The following SPECC1L variants were observed in gnomAD, a reference collection of about 807,000 sequenced individuals.
The protein encoded by SPECC1L is cytospin-A.
SPECC1L carries 40 observed loss-of-function variants against 116.8 expected under a neutral mutation model. The ratio of observed to expected loss-of-function variants is 0.34; its 90% CI spans 0.27 to 0.45. The LOEUF is 0.45. SPECC1L is among the 20% of genes least tolerant of loss of function. SPECC1L has a pLI of 1.00. For missense variants in SPECC1L, 1,110 were observed against 1,373.6 expected (o/e 0.81, Z 3.03); for synonymous variants, 504 against 500.6 (o/e 1.01, Z -0.09).
chr22:24,332,892 A>C (rs1052838507), intron 8 of SPECC1L, among the ~76,000 whole-genome samples: 1 of 152,138 alleles, frequency 6.6e-6, no homozygotes, highest in Non-Finnish European at 1.5e-5. Flanking sequence ...AAGGGGCTCT[A>C]AGACCAAAAA....
chr22:24,395,647 T>C (rs994026855), intron 14 of SPECC1L, among the ~76,000 whole-genome samples: 3 of 152,162 alleles, frequency 2.0e-5, no homozygotes, highest in South Asian at 2.1e-4. Flanking sequence ...AATTTTTTTT[T>C]CTCTTTTTCA....
intron 14 of SPECC1L, among the ~76,000 whole-genome samples, chr22:24,376,484 A>G (rs978542317): frequency 1.3e-5 from 2 of 152,240 alleles, no homozygotes; most frequent in African/African-American, 4.8e-5. Context: ...AAAAGAATAA[A>G]CTATTTAGGA....
At chr22:24,358,400 C>T (rs1396594089) in intron 11 of SPECC1L, among the ~76,000 whole-genome samples, 2 of 152,122 alleles carry the variant, frequency 1.3e-5, no homozygotes, top group African/African-American at 2.4e-5. Context: ...AGAACCATTG[C>T]GCCTGGCTGA....
intron 14 of SPECC1L, among the ~76,000 whole-genome samples, chr22:24,409,839 A>G (rs957795722): frequency 2.0e-5 from 3 of 152,172 alleles, no homozygotes; most frequent in Admixed American, 1.3e-4. Flanking sequence ...AGCCTGGGCG[A>G]CATAGCGAAA....
intron 11 of SPECC1L, among the ~76,000 whole-genome samples, chr22:24,351,619 A>T (rs1282335017): frequency 6.6e-6 from 1 of 152,176 alleles, no homozygotes; most frequent in Non-Finnish European, 1.5e-5. Context: ...ATGAATCTAT[A>T]TCACAGTAGT....
At chr22:24,280,497 T>A (rs5760305) in intron 2 of SPECC1L, among the ~76,000 whole-genome samples, 5,371 of 151,486 alleles carry the variant, frequency 0.035, 225 homozygotes, top group South Asian at 0.12. Flanking sequence ...CTCTGTTGCA[T>A]CTAATCAACT....
At chr22:24,340,507 A>G (rs1045369933) in intron 10 of SPECC1L, among the ~76,000 whole-genome samples, 3 of 152,182 alleles carry the variant, frequency 2.0e-5, no homozygotes, top group Non-Finnish European at 4.4e-5. Flanking sequence ...TTCTGAAAAT[A>G]TAGATAAAAG....
chr22:24,374,230 T>C (rs2041926750), intron 14 of SPECC1L, among the ~76,000 whole-genome samples: 1 of 151,998 alleles, frequency 6.6e-6, no homozygotes. Context: ...CTCAGGGATC[T>C]AGAACTAGAA....
intron 6 of SPECC1L, among the ~76,000 whole-genome samples, chr22:24,327,595 A>G (rs1342407028): frequency 6.6e-6 from 1 of 152,118 alleles, no homozygotes. Context: ...ACTAATGTCT[A>G]TAGTTATGTT....
chr22:24,286,983 C>T (rs1405916221), intron 2 of SPECC1L, among the ~76,000 whole-genome samples: 1 of 151,902 alleles, frequency 6.6e-6, no homozygotes, highest in East Asian at 1.9e-4. Context: ...CTAAGTATAC[C>T]CTAAATGTTG....
rs537465781 is a variant in SPECC1L at position 24,326,668 on chromosome 22, T to C, written c.2147-2178T>C. On this transcript the variant is annotated intron_variant, in intron 6 of 16. Coordinates refer to ENST00000314328, the MANE Select transcript of SPECC1L (RefSeq NM_015330.6). ...TGAAGATTATATCTTTCCTTTCCTT[T>C]ACATCTTAAGCACTTAGAAAAAAGC... Among the ~76,000 whole-genome samples the C allele has an allele frequency of 1.7e-3, 254 of 152,326 alleles. 1 individual carries two copies. The highest frequency in any genetic ancestry group is 5.8e-3 in the African/African-American group (240 of 41,582).
chr22:24,407,844 A>G (rs2042621855), intron 14 of SPECC1L, among the ~76,000 whole-genome samples: 1 of 152,144 alleles, frequency 6.6e-6, no homozygotes, highest in Admixed American at 6.5e-5. Flanking sequence ...TTTGTCTTGC[A>G]TACTTCATTC....
chr22:24,272,304 G>T (rs1204985765), intron 1 of SPECC1L, among the ~76,000 whole-genome samples: 1 of 152,200 alleles, frequency 6.6e-6, no homozygotes, highest in Non-Finnish European at 1.5e-5. Flanking sequence ...GGCGGAGGTT[G>T]CAGTGAGCCG....
At chr22:24,340,348 C>T (rs893071188) in intron 10 of SPECC1L, among the ~76,000 whole-genome samples, 6 of 151,946 alleles carry the variant, frequency 3.9e-5, no homozygotes, top group South Asian at 2.1e-4. Context: ...GTTTTAACCA[C>T]GTTGGCCAAG....
intron 2 of SPECC1L, among the ~76,000 whole-genome samples, chr22:24,285,788 C>T (rs1262575404): frequency 1.3e-5 from 2 of 152,064 alleles, no homozygotes; most frequent in Non-Finnish European, 2.9e-5. Context: ...ATTACAGGCA[C>T]CCACCACCAA....
In SPECC1L at chr22:24,355,971, G is replaced by T. The variant is rs55791658; in HGVS notation, c.2744-7290G>T. On this transcript the variant is annotated intron_variant, in intron 11 of 16. Transcript: ENST00000314328. ...TCCATCACCCCCAAAATTCCTTCAT[G>T]CTGCCCCTTTGTAGTCAACCCCTAC... Among the ~76,000 whole-genome samples, 1,176 of 151,802 alleles carry T rather than the reference G, an allele frequency of 7.7e-3. 8 individuals carry two copies. Among genetic ancestry groups the T allele is most frequent in the South Asian group, 0.024 (115 of 4,798 alleles).
chr22:24,360,213 A>G (rs925940611), intron 11 of SPECC1L, among the ~76,000 whole-genome samples: 2 of 152,238 alleles, frequency 1.3e-5, no homozygotes, highest in African/African-American at 4.8e-5. Flanking sequence ...GGATAAACCA[A>G]CAGTTTGACA....
chr22:24,360,020 C>T (rs2041612424), intron 11 of SPECC1L, among the ~76,000 whole-genome samples: 1 of 152,118 alleles, frequency 6.6e-6, no homozygotes, highest in Non-Finnish European at 1.5e-5. Context: ...TTCTTTTTTT[C>T]TCTGACCTTT....
At chr22:24,317,273 C>A (rs909400681) in intron 4 of SPECC1L, among the ~76,000 whole-genome samples, 5 of 115,038 alleles carry the variant, frequency 4.3e-5, no homozygotes, top group East Asian at 2.8e-4. Context: ...TGACCCCCCC[C>A]ACCTCCCTCC....
Sources: allele counts gnomAD v4.1 joint callset (sites outside exome capture counted in the v4.1 genomes callset), GRCh38; gene constraint gnomAD v4.1.1; transcripts MANE v1.5; gene names NCBI Gene and HGNC (gene_info 2026-07-23, HGNC 2026-07-21).